DPP6: variants seen among roughly 807,000 people sequenced by gnomAD.
DPP6 encodes the protein dipeptidyl peptidase like 6, also known as A-type potassium channel modulatory protein DPP6.
A neutral mutation model predicts 122.6 loss-of-function variants in DPP6; 69 were observed. The ratio of observed to expected loss-of-function variants is 0.56; its 90% CI spans 0.46 to 0.69. The LOEUF (loss-of-function observed/expected upper bound fraction) is 0.69. Among genes scored for constraint, DPP6 ranks in the 30% least tolerant of loss-of-function variants. The pLI, the probability that DPP6 is intolerant of heterozygous loss-of-function variation, is 0.00. For missense variants in DPP6, 928 were observed against 1,116.9 expected, an observed-to-expected ratio of 0.83 and a Z score of 2.41; for synonymous variants, 418 against 433.1, an observed-to-expected ratio of 0.97 and a Z score of 0.43.
At chr7:154,753,812 A>C (rs1455543810) in intron 8 of DPP6, among the ~76,000 whole-genome samples, 2 of 152,162 alleles carry the variant, frequency 1.3e-5, no homozygotes, top group Admixed American at 1.3e-4. Context: ...AAGAAGCGGC[A>C]TGCGGACATC....
chr7:154,545,339 C>A (rs994698372), intron 4 of DPP6, among the ~76,000 whole-genome samples: 14 of 151,938 alleles, frequency 9.2e-5, no homozygotes, highest in Non-Finnish European at 2.1e-4. Flanking sequence ...AAAATTGGAT[C>A]TTTGGACATT....
intron 5 of DPP6, among the ~76,000 whole-genome samples, chr7:154,626,304 A>G (rs1252757271): frequency 2.6e-5 from 4 of 152,238 alleles, no homozygotes; most frequent in African/African-American, 9.6e-5. Context: ...TGGATGTCAC[A>G]GATGTTTTTG....
intron 1 of DPP6, among the ~76,000 whole-genome samples, chr7:154,304,845 C>G (rs966532235): frequency 6.6e-6 from 1 of 152,204 alleles, no homozygotes; most frequent in Non-Finnish European, 1.5e-5. Context: ...CAAAGGGCAT[C>G]CCTCCTGGGG....
rs568291958 is a variant in DPP6, at chr7:154,752,242, A to G, written c.884-17175A>G. On this transcript the variant is annotated intron_variant, in intron 8 of 25. Transcript: ENST00000377770. ...TTTCAGTGTGTAAGTACATCAAAGCATAACTATAATTATCTCCAAAGTGAT... is the reference window on the plus strand; with the variant it reads ...TTTCAGTGTGTAAGTACATCAAAGCGTAACTATAATTATCTCCAAAGTGAT... Among the ~76,000 whole-genome samples the G allele has an allele frequency of 2.6e-5, 4 of 152,338 alleles. No individual in the cohort carries two copies. In the South Asian group the frequency reaches 8.3e-4, roughly 32 times the overall value.
At chr7:154,322,493 A>G (rs1045243878) in intron 1 of DPP6, among the ~76,000 whole-genome samples, 1 of 152,212 alleles carries the variant, frequency 6.6e-6, no homozygotes, top group Admixed American at 6.5e-5. Context: ...ATTCTGTGCC[A>G]TGGAGAGACT....
the DPP6 span, among the ~76,000 whole-genome samples, chr7:153,804,517 A>G: frequency 3.3e-5 from 5 of 152,212 alleles, no homozygotes; most frequent in Non-Finnish European, 5.9e-5. Flanking sequence ...GCTTGTAGAT[A>G]TACATCAAAA....
chr7:154,474,410 A>G (rs1449359877), intron 2 of DPP6, among the ~76,000 whole-genome samples: 1 of 152,218 alleles, frequency 6.6e-6, no homozygotes, highest in Non-Finnish European at 1.5e-5. Context: ...GTGTACAGAT[A>G]ATTGGGGTTT....
At chr7:154,778,994 CACA>C (rs1796796181) in intron 10 of DPP6, among the ~76,000 whole-genome samples, 1 of 150,144 alleles carries the variant, frequency 6.7e-6, no homozygotes, top group Non-Finnish European at 1.5e-5. Context: ...CCATCACCTC[CACA>C]ACCTCCACCA....
intron 1 of DPP6, among the ~76,000 whole-genome samples, chr7:154,185,338 A>G (rs1798301056): frequency 6.6e-6 from 1 of 152,160 alleles, no homozygotes; most frequent in African/African-American, 2.4e-5. Context: ...AGTTGTCAGA[A>G]GCTAGGCTCT....
chr7:154,089,122 GA>G (rs1285928167), intron 1 of DPP6, among the ~76,000 whole-genome samples: 4 of 152,194 alleles, frequency 2.6e-5, no homozygotes, highest in Admixed American at 6.5e-5. Context: ...CACAGAAGCA[GA>G]ATTGGATTTC....
rs553622104 is a variant in DPP6 at position 154,755,301 on chromosome 7, C to T, written c.884-14116C>T. Among the ~76,000 whole-genome samples the T allele has an allele frequency of 6.6e-6, 1 of 152,192 alleles. No individual in the cohort carries two copies. The highest frequency in any genetic ancestry group is 6.5e-5 in the Admixed American group (1 of 15,294). On this transcript the variant is annotated intron_variant, in intron 8 of 25. Transcript: ENST00000377770. This position sits in a 1 kb window ranked among gnomAD's most constrained non-coding sequence, Gnocchi z 4.7. ...TTGATAGGATGTTTTGAGACCCGGA[C>T]ATCCCCAGCAGCCCAGCATGCACAG...
intron 1 of DPP6, among the ~76,000 whole-genome samples, chr7:154,280,531 C>T (rs1030777099): frequency 9.2e-5 from 14 of 152,144 alleles, no homozygotes; most frequent in South Asian, 8.3e-4. Context: ...ACATATCCAG[C>T]GCAGAGCTTG....
intron 2 of DPP6, among the ~76,000 whole-genome samples, chr7:154,449,315 A>G (rs139257322): frequency 6.6e-6 from 1 of 152,380 alleles, no homozygotes; most frequent in East Asian, 1.9e-4. Context: ...CAAAAAGCAT[A>G]TGAAAAGATG....
At chr7:154,257,418 G>A (rs1802727975) in intron 1 of DPP6, among the ~76,000 whole-genome samples, 1 of 152,092 alleles carries the variant, frequency 6.6e-6, no homozygotes, top group Admixed American at 6.6e-5. Flanking sequence ...AAGCGGTCTG[G>A]TGCGGGTGGC....
At chr7:154,102,623 A>G (rs1805830988) in intron 1 of DPP6, among the ~76,000 whole-genome samples, 1 of 152,136 alleles carries the variant, frequency 6.6e-6, no homozygotes, top group Non-Finnish European at 1.5e-5. Context: ...AAAACATTTC[A>G]TGCTTTTTAG....
At position 154,419,351 on chromosome 7, in the gene DPP6, C is replaced by A. The variant is rs944033605; in HGVS notation, c.244-26863C>A. On this transcript the variant is annotated intron_variant, in intron 1 of 25. Coordinates refer to ENST00000377770, the MANE Select transcript of DPP6 (RefSeq NM_130797.4). The stretch of plus-strand genomic sequence containing the variant: ...TGGGTATGCTTTATTTACAGATAGT[C>A]ATCCTTCCAGGAGTTAAATTCACAT... Among the ~76,000 whole-genome samples the A allele has an allele frequency of 3.9e-5, 6 of 152,200 alleles. No individual in the cohort carries two copies. The East Asian group carries it at 1.2e-3, about 29-fold the overall frequency.
At chr7:154,549,328 A>G (rs1427534030) in intron 4 of DPP6, among the ~76,000 whole-genome samples, 1 of 152,192 alleles carries the variant, frequency 6.6e-6, no homozygotes, top group African/African-American at 2.4e-5. Flanking sequence ...GGTACAATAA[A>G]AAGGTTCCAA....
At chr7:154,569,595 C>T (rs1053567516) in intron 5 of DPP6, among the ~76,000 whole-genome samples, 2 of 151,842 alleles carry the variant, frequency 1.3e-5, no homozygotes, top group African/African-American at 4.9e-5. Flanking sequence ...TATGAACCAA[C>T]TCAACTTTTC....
chr7:154,082,276 T>A (rs1242662365), intron 1 of DPP6, among the ~76,000 whole-genome samples: 1 of 152,154 alleles, frequency 6.6e-6, no homozygotes, highest in Non-Finnish European at 1.5e-5. Context: ...TTTATATCTC[T>A]TCTACATTCA....
Sources: gnomAD v4.1 joint callset for allele counts (sites outside exome capture counted in the v4.1 genomes callset) on GRCh38, gnomAD v4.1.1 for gene constraint, Gnocchi (gnomAD v3.1) non-coding constraint, MANE v1.5 for transcripts, NCBI Gene and HGNC (gene_info 2026-07-23, HGNC 2026-07-21) for gene names.